The following FRY variants were observed in gnomAD, a reference collection of about 807,000 sequenced individuals.
The protein encoded by FRY is FRY microtubule binding protein.
A neutral mutation model predicts 348.4 loss-of-function variants in FRY; 128 were observed. The observed-to-expected ratio is 0.37, with a 90% CI of 0.32 to 0.43. The LOEUF is 0.43. Among genes scored for constraint, FRY ranks in the 20% least tolerant of loss-of-function variants. The probability of loss-of-function intolerance (pLI) is 1.00; values close to 1 mark genes in which losing one functional copy is unlikely to be tolerated. For missense variants in FRY, 2,736 were observed against 3,695.2 expected (o/e 0.74, Z 6.73); for synonymous variants, 1,370 against 1,374.7 (o/e 1.00, Z 0.08).
rs567129097 is a variant in FRY, at chr13:32,224,959, C to G, written c.4943C>G (p.Thr1648Ser). 4.4e-6 allele frequency: 7 copies of G among 1,608,724 alleles called. No homozygotes were observed. Among genetic ancestry groups the G allele is most frequent in the Non-Finnish European group, 6.0e-6 (7 of 1,175,086 alleles). ...TGCAATATTGCTGTAATTTTTATGACTGAAATGGTGGTGGATCACAGTGTA... is the reference window on the plus strand; with the variant it reads ...TGCAATATTGCTGTAATTTTTATGAGTGAAATGGTGGTGGATCACAGTGTA... ...HRCNIAVIFM[T>S]EMVVDHSVRE... Residue 1648 changes from threonine to serine, a missense_variant, in exon 38 of 61, where the codon ACT (threonine) becomes AGT (serine). Transcript: ENST00000542859.
chr13:32,194,284 G>A lies in FRY; in HGVS notation c.3733G>A (p.Val1245Met). The A allele has an allele frequency of 6.2e-7, 1 of 1,614,150 alleles. No individual in the cohort carries two copies. Among genetic ancestry groups the A allele is most frequent in the Non-Finnish European group, 8.5e-7 (1 of 1,179,982 alleles). The change falls in exon 29 of 61, where the codon GTG (valine) becomes ATG (methionine). Residue 1245 changes from valine (V) to methionine (M), a missense_variant. By Grantham distance (21) the Val-to-Met change is conservative. Coordinates refer to ENST00000542859, the MANE Select transcript of FRY (RefSeq NM_023037.3). ...TGGCTGCTTCAAAGCCATAGCAACT[G>A]TGTGTGGAAGCAGGTACGAATTTTT... Reference protein sequence around the residue: ...ASGCFKAIATVCGSRNYPFDI... With the variant: ...ASGCFKAIATMCGSRNYPFDI...
rs371409626 is a variant in FRY at position 32,184,733 on chromosome 13, C to T, written c.3146+42C>T. The T allele has an allele frequency of 1.1e-5, 13 of 1,170,694 alleles. No individual in the cohort carries two copies. The African/African-American group carries it at 1.8e-4, about 16-fold the overall frequency. The allele number at this position is 1,170,694 out of a possible 1,614,324, so 72.5% of individuals were successfully genotyped here. On this transcript the variant is annotated intron_variant, in intron 25 of 60. Transcript: ENST00000542859. ...ACCGAGTTGCTCTCTTCTCACCAGACTGATCTTTTTGTTTTCTTTCTGTCT... is the reference window on the plus strand; with the variant it reads ...ACCGAGTTGCTCTCTTCTCACCAGATTGATCTTTTTGTTTTCTTTCTGTCT...
chr13:32,118,007 ACTC>A (rs561183861), intron 4 of FRY, among the ~76,000 whole-genome samples: 78 of 151,078 alleles, frequency 5.2e-4, no homozygotes, highest in African/African-American at 1.7e-3. Context: ...ACCATCTCCA[ACTC>A]CTCCTTCCAG....
chr13:32,187,447 T>G (rs911068443), intron 27 of FRY, 99 bp from the exon 28 acceptor site: 10 of 758,882 alleles, frequency 1.3e-5, no homozygotes, highest in Non-Finnish European at 2.2e-5. Flanking sequence ...AGGGCCCTTA[T>G]CATTTATAAT....
At chr13:32,112,844 C>G (rs886549982) in intron 3 of FRY, among the ~76,000 whole-genome samples, 2 of 152,134 alleles carry the variant, frequency 1.3e-5, no homozygotes, top group African/African-American at 4.8e-5. Context: ...TAGTAATTTT[C>G]CGGAAAAGGA....
intron 2 of FRY, among the ~76,000 whole-genome samples, chr13:32,084,992 TTAATA>T (rs1447319191): frequency 6.6e-6 from 1 of 152,146 alleles, no homozygotes. Flanking sequence ...GAATGAAACA[TTAATA>T]TAATAGCTTG....
intron 1 of FRY, among the ~76,000 whole-genome samples, chr13:32,058,698 G>A (rs1438121226): frequency 6.6e-6 from 1 of 152,194 alleles, no homozygotes; most frequent in Non-Finnish European, 1.5e-5. Context: ...TTCAAGTGGG[G>A]ATAGTCAGGT....
chr13:32,294,342 T>C lies in FRY; in HGVS notation c.8581-26T>C, dbSNP rs550741873. Reference sequence around the variant, plus strand: ...AAATTCCCCCAGCACCTAAATATAGTTTAAAAAACATTTTTTTTTAAATAG... The same window carrying C: ...AAATTCCCCCAGCACCTAAATATAGCTTAAAAAACATTTTTTTTTAAATAG... On this transcript the variant is annotated intron_variant, in intron 59 of 60. Transcript: ENST00000542859. 8.9e-6 allele frequency: 14 copies of C among 1,565,044 alleles called. No homozygotes were observed. In the South Asian group the frequency reaches 1.5e-4, roughly 16 times the overall value.
intron 41 of FRY, among the ~76,000 whole-genome samples, chr13:32,231,521 C>T (rs913254059): frequency 1.3e-5 from 2 of 152,212 alleles, no homozygotes; most frequent in Non-Finnish European, 1.5e-5. Context: ...ATTTTCCCAA[C>T]ATACTTGTTC....
intron 20 of FRY, 127 bp downstream of exon 20, chr13:32,175,759 T>A (rs185383784): frequency 2.9e-6 from 2 of 688,050 alleles, no homozygotes; most frequent in Non-Finnish European, 5.3e-6. Context: ...CCAAAGGTAC[T>A]TATGAAGATA....
chr13:32,186,471 C>T (rs781553868), intron 27 of FRY, 51 bp downstream of exon 27: 15 of 1,113,122 alleles, frequency 1.3e-5, no homozygotes, highest in East Asian at 7.0e-5. Flanking sequence ...TGGTCTCTCT[C>T]GTTAAACTAA....
chr13:32,294,338 A>G (rs949194882), intron 59 of FRY, 30 bp from the exon 60 acceptor site: 9 of 1,523,964 alleles, frequency 5.9e-6, no homozygotes, highest in Middle Eastern at 1.7e-4. Context: ...GCACCTAAAT[A>G]TAGTTTAAAA....
intron 3 of FRY, among the ~76,000 whole-genome samples, chr13:32,114,278 G>A (rs190645760): frequency 2.6e-5 from 4 of 152,302 alleles, no homozygotes; most frequent in Non-Finnish European, 4.4e-5. Context: ...AGTTTCCCCT[G>A]CTGCTATAGC....
At chr13:32,289,894 A>G in intron 59 of FRY, 151 bp downstream of exon 59, 2 of 676,386 alleles carry the variant, frequency 3.0e-6, no homozygotes, top group South Asian at 1.6e-5. Flanking sequence ...CATGTCTTGT[A>G]TGTATTTCTA....
chr13:32,287,183 G>C (rs1179092356), intron 58 of FRY, among the ~76,000 whole-genome samples: 1 of 150,420 alleles, frequency 6.6e-6, no homozygotes, highest in Non-Finnish European at 1.5e-5. Context: ...AAAAAAGAAA[G>C]AAATTGTCTA....
At position 32,044,442 on chromosome 13, in the gene FRY, C is replaced by CG. The variant is rs532917222; in HGVS notation, c.70+12577_70+12578insG. The stretch of plus-strand genomic sequence containing the variant: ...TGTTTCAGCCACAGTGCTAAGCACT[C>CG]TCTCATTTAAACTTCCTTACATCCT... On this transcript the variant is annotated intron_variant, in intron 1 of 60. Transcript: ENST00000542859. 1.8e-3 allele frequency among the ~76,000 whole-genome samples: 267 copies of CG among 152,324 alleles called. 2 individuals are homozygous for CG. The highest frequency in any genetic ancestry group is 4.9e-3 in the African/African-American group (203 of 41,578).
chr13:32,180,168 A>G (rs1467510660), intron 23 of FRY, among the ~76,000 whole-genome samples: 1 of 152,220 alleles, frequency 6.6e-6, no homozygotes, highest in Non-Finnish European at 1.5e-5. Context: ...ACAGATTCTC[A>G]AAGGTTAAGC....
At position 32,276,507 on chromosome 13, in the gene FRY, T is replaced by C. The variant is rs765399280; in HGVS notation, c.8330T>C (p.Leu2777Ser). 1.9e-6 allele frequency: 3 copies of C among 1,607,870 alleles called. No individual in the cohort carries two copies. The highest frequency in any genetic ancestry group is 2.6e-6 in the Non-Finnish European group (3 of 1,174,282). Residue 2777 changes from leucine (L) to serine (S), a missense_variant, in exon 57 of 61, where the codon TTA (leucine) becomes TCA (serine). This residue lies in a region of FRY where 789 missense variants were observed against 996.2 expected (regional missense o/e 0.79). Coordinates refer to ENST00000542859, the MANE Select transcript of FRY (RefSeq NM_023037.3). ...GLLDKLKFSVLELQEYLDTYN... is the reference protein window; with the variant it reads ...GLLDKLKFSVSELQEYLDTYN... ...CTGGACAAGCTCAAGTTCAGTGTGT[T>C]AGAACTGCAAGAATATTTGGATACC...
intron 48 of FRY, among the ~76,000 whole-genome samples, chr13:32,248,480 G>A (rs2806629): frequency 0.78 from 117,770 of 151,752 alleles, 47,084 homozygotes; most frequent in Non-Finnish European, 0.89. Context: ...ATGTCTACCT[G>A]TGTAAGAAAC....
Sources: allele counts gnomAD v4.1 joint callset (sites outside exome capture counted in the v4.1 genomes callset), GRCh38; gene constraint gnomAD v4.1.1; regional missense constraint gnomAD v4.1.1; transcripts MANE v1.5; gene names NCBI Gene and HGNC (gene_info 2026-07-23, HGNC 2026-07-21).